Variants in UACA observed in about 807,000 individuals in gnomAD.
UACA encodes the protein uveal autoantigen with coiled-coil domains and ankyrin repeats.
In UACA, 112 loss-of-function variants were observed where a neutral mutation model predicts 160.5. The ratio of observed to expected loss-of-function variants is 0.70; its 90% confidence interval spans 0.60 to 0.82. UACA has a LOEUF of 0.82. Among genes scored for constraint, UACA ranks in the 40% least tolerant of loss-of-function variants. The pLI, the probability that UACA is intolerant of heterozygous loss-of-function variation, is 0.00. For missense variants in UACA, 1,574 were observed against 1,614.6 expected (o/e 0.97, Z 0.43); for synonymous variants, 557 against 568.4 (o/e 0.98, Z 0.29).
At chr15:70,675,984 TTTTC>T (rs1897293470) in intron 13 of UACA, among the ~76,000 whole-genome samples, 1 of 152,204 alleles carries the variant, frequency 6.6e-6, no homozygotes, top group Non-Finnish European at 1.5e-5. Context: ...TCTTTATAAA[TTTTC>T]TTTATTTTGT....
At chr15:70,713,373 G>C (rs182440443) in intron 1 of UACA, among the ~76,000 whole-genome samples, 94 of 152,264 alleles carry the variant, frequency 6.2e-4, no homozygotes, top group South Asian at 8.3e-4. Context: ...AAAATGCTGA[G>C]AGTTGACTGT....
chr15:70,669,595 A>C lies in UACA; in HGVS notation c.1222-133T>G, dbSNP rs1897067344. 4.7e-6 allele frequency: 3 copies of C among 638,890 alleles called. No individual in the cohort carries two copies. The South Asian group carries it at 7.7e-5, about 16-fold the overall frequency. The allele number at this position is 638,890 out of a possible 1,614,324, so 39.6% of individuals were successfully genotyped here. A position where few individuals can be genotyped will look rare whatever the true frequency, so the allele number is the denominator to read the frequency against. The stretch of plus-strand genomic sequence containing the variant: ...GTTTTCAGATTAGGCAGTAAGATGG[A>C]AAAAAAATCACAATGCTGATTTTTG... On this transcript the variant is annotated intron_variant, in intron 15 of 18. Transcript: ENST00000322954.
At chr15:70,710,238 C>T (rs559916714) in intron 1 of UACA, among the ~76,000 whole-genome samples, 1 of 152,104 alleles carries the variant, frequency 6.6e-6, no homozygotes. Flanking sequence ...CTGTCTGTTA[C>T]AGCAAGACCC....
At chr15:70,703,276 A>T in intron 1 of UACA, 1 of 1,286,890 alleles carries the variant, frequency 7.8e-7, no homozygotes, top group Non-Finnish European at 1.0e-6. Flanking sequence ...AAATTGTTTC[A>T]TGGGAATGCA....
At chr15:70,707,773 G>A (rs528480955) in intron 1 of UACA, among the ~76,000 whole-genome samples, 1 of 151,942 alleles carries the variant, frequency 6.6e-6, no homozygotes, top group East Asian at 1.9e-4. Flanking sequence ...AATAAGAAAA[G>A]AACAAGTGTT....
At chr15:70,658,009 G>A (rs1896545482) in intron 18 of UACA, among the ~76,000 whole-genome samples, 1 of 151,774 alleles carries the variant, frequency 6.6e-6, no homozygotes, top group African/African-American at 2.4e-5. Context: ...ATGATCACTT[G>A]AGCCCAGGAG....
At chr15:70,746,858 T>C (rs949803403) in intron 1 of UACA, among the ~76,000 whole-genome samples, 4 of 152,032 alleles carry the variant, frequency 2.6e-5, no homozygotes, top group Non-Finnish European at 2.9e-5. Flanking sequence ...CTAGAAACCA[T>C]CATTCTCAGC....
intron 1 of UACA, among the ~76,000 whole-genome samples, chr15:70,715,156 A>G (rs961882788): frequency 6.6e-6 from 1 of 152,242 alleles, no homozygotes; most frequent in Non-Finnish European, 1.5e-5. Context: ...AAATGTCATA[A>G]GTAAAATTTT....
intron 1 of UACA, among the ~76,000 whole-genome samples, chr15:70,705,169 A>C (rs969066463): frequency 2.6e-5 from 4 of 152,194 alleles, no homozygotes; most frequent in Admixed American, 6.5e-5. Flanking sequence ...AGAAGTACAG[A>C]GTCCTTCTCA....
At chr15:70,718,536 T>G (rs1898895794) in intron 1 of UACA, among the ~76,000 whole-genome samples, 1 of 152,128 alleles carries the variant, frequency 6.6e-6, no homozygotes, top group African/African-American at 2.4e-5. Context: ...GTGAAGAGAC[T>G]GGCACATATC....
At chr15:70,680,917 G>T (rs1003843658) in intron 9 of UACA, among the ~76,000 whole-genome samples, 1 of 152,102 alleles carries the variant, frequency 6.6e-6, no homozygotes, top group African/African-American at 2.4e-5. Flanking sequence ...ATCATACAAG[G>T]TCCTTCTTAA....
Position 70,727,873 on chromosome 15 carries a change from C to A in UACA, c.79-28213G>T, listed in dbSNP as rs148628271. ...AGGGTGGCTCTGTTTGAAAGTAGGG[C>A]CTCTTCACTGCCTATATTCTTTCCC... On this transcript the variant is annotated intron_variant, in intron 1 of 18. Transcript: ENST00000322954. Among the ~76,000 whole-genome samples, 9 of 152,246 alleles carry A rather than the reference C, an allele frequency of 5.9e-5. No homozygotes were observed. In the East Asian group the frequency reaches 1.7e-3, roughly 29 times the overall value.
At chr15:70,722,387 A>T (rs1490446685) in intron 1 of UACA, among the ~76,000 whole-genome samples, 2 of 151,852 alleles carry the variant, frequency 1.3e-5, no homozygotes, top group Non-Finnish European at 2.9e-5. Context: ...GCACCACAGT[A>T]GCTCATCATG....
rs912584841 is a variant in UACA, at chr15:70,671,031, G to A, written c.1221+8C>T. Reference sequence around the variant, plus strand: ...TTTTTTAAAATTAAAAAAAAAAACAGTTATTACCTGTGAGTCTGCCATATA... The same window carrying A: ...TTTTTTAAAATTAAAAAAAAAAACAATTATTACCTGTGAGTCTGCCATATA... On this transcript the variant is annotated splice_region_variant and intron_variant, in intron 15 of 18. Coordinates refer to ENST00000322954, the MANE Select transcript of UACA (RefSeq NM_018003.4). The A allele has an allele frequency of 5.3e-6, 8 of 1,516,794 alleles. No homozygotes were observed. The highest frequency in any genetic ancestry group is 2.7e-6 in the Non-Finnish European group (3 of 1,131,598). 94.0% of individuals were successfully genotyped at this position (1,516,794 alleles called of 1,614,324 possible). A position where few individuals can be genotyped will look rare whatever the true frequency, so the allele number is the denominator to read the frequency against.
chr15:70,700,454 AT>A (rs1898314714), intron 1 of UACA, among the ~76,000 whole-genome samples: 1 of 151,878 alleles, frequency 6.6e-6, no homozygotes, highest in Admixed American at 6.6e-5. Context: ...ACATCTAAAA[AT>A]ATTAAGATTA....
chr15:70,763,335 T>G lies in UACA; in HGVS notation c.73A>C (p.Ser25Arg), dbSNP rs1345563271. The G allele has an allele frequency of 7.5e-7, 1 of 1,333,820 alleles. No homozygotes were observed. 82.6% of individuals were successfully genotyped at this position (1,333,820 alleles called of 1,614,324 possible). The stretch of plus-strand genomic sequence containing the variant: ...GCCCGGACCGCGGGACTCACCGCGC[T>G]GGCGGCGGCGGCGCCAGACGACGCG... Reference protein sequence around the residue: ...GPASSGAAAASAHAADWNKYD... With the variant: ...GPASSGAAAARAHAADWNKYD... Residue 25 changes from serine to arginine, a missense_variant, in exon 1 of 19, where the codon AGC becomes CGC. Transcript: ENST00000322954.
Position 70,684,259 on chromosome 15 carries a change from T to G in UACA, c.784+6A>C. Reference sequence around the variant, plus strand: ...GACTTTTCTAGTTACAGAAAACTGCTGATACCTTTGTTGGTATTTTCCGAT... The same window carrying G: ...GACTTTTCTAGTTACAGAAAACTGCGGATACCTTTGTTGGTATTTTCCGAT... On this transcript the variant is annotated splice_donor_region_variant and intron_variant, in intron 8 of 18. Coordinates refer to ENST00000322954, the MANE Select transcript of UACA (RefSeq NM_018003.4). 1.9e-6 allele frequency: 3 copies of G among 1,597,350 alleles called. No homozygotes were observed. The highest frequency in any genetic ancestry group is 2.6e-6 in the Non-Finnish European group (3 of 1,173,954).
the UACA span, chr15:70,778,901 C>T: frequency 6.6e-6 from 1 of 152,218 alleles, no homozygotes; most frequent in Non-Finnish European, 1.5e-5. Context: ...TCACTGTATT[C>T]CCAGCACCTA....
upstream of UACA, among the ~76,000 whole-genome samples, chr15:70,766,026 G>A (rs2141024034): frequency 6.6e-6 from 1 of 152,308 alleles, no homozygotes; most frequent in East Asian, 1.9e-4. Context: ...ATAAAGCAAA[G>A]GAAACAGACA....
Sources: gnomAD v4.1 joint callset for allele counts (sites outside exome capture counted in the v4.1 genomes callset) on GRCh38, gnomAD v4.1.1 for gene constraint, MANE v1.5 for transcripts, NCBI Gene and HGNC (gene_info 2026-07-23, HGNC 2026-07-21) for gene names.